SEMA6B: variants seen among roughly 807,000 people sequenced by gnomAD.
SEMA6B encodes the protein semaphorin-6B.
Under a neutral mutation model 78.6 loss-of-function variants are expected in SEMA6B, and 47 were observed. The ratio of observed to expected loss-of-function variants is 0.60; its 90% CI spans 0.47 to 0.76. SEMA6B has a LOEUF of 0.76. Among genes scored for constraint, SEMA6B ranks in the 30% least tolerant of loss-of-function variants. The pLI, the probability that SEMA6B is intolerant of heterozygous loss-of-function variation, is 0.00. For synonymous variants in SEMA6B, 632 were observed against 592.2 expected (o/e 1.07, Z -0.98); for missense variants, 1,213 against 1,269.9 (o/e 0.96, Z 0.68).
chr19:4,556,707 T>C (rs1315700828), intron 5 of SEMA6B, among the ~76,000 whole-genome samples: 2 of 151,400 alleles, frequency 1.3e-5, no homozygotes, highest in African/African-American at 4.9e-5. Flanking sequence ...TGGGGCGTGG[T>C]TATGGATAAT....
At chr19:4,556,135 T>C (rs771454217) in intron 5 of SEMA6B, 46 bp from the exon 6 acceptor site, 7 of 1,385,830 alleles carry the variant, frequency 5.1e-6, no homozygotes, top group Middle Eastern at 1.8e-4. Flanking sequence ...GTGGGCGTGG[T>C]CATGGTGATG....
rs1599777870 is a variant in SEMA6B at position 4,550,456 on chromosome 19, T to C, written c.1122-184A>G. ...TTGGCTCACTGCAACCTCCACCTCC[T>C]GGGTTCAAGCGATTCTCCTGCTTCA... On this transcript the variant is annotated intron_variant, in intron 11 of 16. Coordinates refer to ENST00000586582, the MANE Select transcript of SEMA6B (RefSeq NM_032108.4). This position sits in a 1 kb window ranked among gnomAD's most constrained non-coding sequence, Gnocchi z 6.6. 6.6e-6 allele frequency among the ~76,000 whole-genome samples: 1 copy of C among 152,052 alleles called. No homozygotes were observed. Among genetic ancestry groups the C allele is most frequent in the East Asian group, 1.9e-4 (1 of 5,176 alleles).
intron 10 of SEMA6B, among the ~76,000 whole-genome samples, chr19:4,551,760 C>T (rs1367121151): frequency 1.3e-5 from 2 of 151,536 alleles, no homozygotes; most frequent in African/African-American, 4.8e-5. Flanking sequence ...ACCCAGGAGG[C>T]AGAGGTTGTG....
chr19:4,555,017 G>A lies in SEMA6B; in HGVS notation c.641C>T (p.Pro214Leu), dbSNP rs1292625377. 6.2e-7 allele frequency: 1 copy of A among 1,614,052 alleles called. No individual in the cohort carries two copies. The highest frequency in any genetic ancestry group is 8.5e-7 in the Non-Finnish European group (1 of 1,180,004). Residue 214 changes from proline (P) to leucine (L), a missense_variant, in exon 8 of 17, where the codon CCC becomes CTC. Pro to Leu is a moderately conservative substitution (Grantham distance 98). Transcript: ENST00000586582. This position sits in a 1 kb window ranked among gnomAD's most constrained non-coding sequence, Gnocchi z 6.1. ...AVIYRSLGDR[P>L]TLRTVKHDSK... ...GTCATGTTTCACGGTGCGCAGGGTG[G>A]GCCTGTCCCCGAGGCTGCGGTAGAT...
rs1977455093 is a variant in SEMA6B at position 4,555,910 on chromosome 19, A to G, written c.471+78T>C. 4.4e-6 allele frequency: 5 copies of G among 1,148,978 alleles called. No homozygotes were observed. The highest frequency in any genetic ancestry group is 3.7e-5 in the South Asian group (3 of 81,306). The allele number at this position is 1,148,978 out of a possible 1,614,324, so 71.2% of individuals were successfully genotyped here. On this transcript the variant is annotated intron_variant, in intron 6 of 16. Transcript: ENST00000586582. This position sits in a 1 kb window ranked among gnomAD's most constrained non-coding sequence, Gnocchi z 6.1. Reference sequence around the variant, plus strand: ...CTGGAGGAGGTGACACGGCCTGGGGAAAAGCCATGGCCAGCGGAGGTCGGG... The same window carrying G: ...CTGGAGGAGGTGACACGGCCTGGGGGAAAGCCATGGCCAGCGGAGGTCGGG...
chr19:4,544,617 T>A lies in SEMA6B; in HGVS notation c.1739-88A>T. Reference sequence around the variant, plus strand: ...CTCCTCGGGGCCCTCTGTCCTCTTTTTTATTATTTTTATTTTTTTTTATTT... The same window carrying A: ...CTCCTCGGGGCCCTCTGTCCTCTTTATTATTATTTTTATTTTTTTTTATTT... On this transcript the variant is annotated intron_variant, in intron 16 of 16. Coordinates refer to ENST00000586582, the MANE Select transcript of SEMA6B (RefSeq NM_032108.4). The surrounding 1 kb of genome is among the most constrained non-coding windows in gnomAD (Gnocchi z 5.1). 1.5e-6 allele frequency: 1 copy of A among 664,380 alleles called. No homozygotes were observed. Among genetic ancestry groups the A allele is most frequent in the Non-Finnish European group, 2.2e-6 (1 of 462,826 alleles). The allele number at this position is 664,380 out of a possible 1,614,324, so 41.2% of individuals were successfully genotyped here. A position where few individuals can be genotyped will look rare whatever the true frequency, so the allele number is the denominator to read the frequency against.
At position 4,543,393 on chromosome 19, in the gene SEMA6B, A is replaced by G; in HGVS notation, c.*208T>C. 1 of 149,828 alleles carries G rather than the reference A, an allele frequency of 6.7e-6. No homozygotes were observed. Among genetic ancestry groups the G allele is most frequent in the Non-Finnish European group, 1.3e-5 (1 of 74,270 alleles). The allele number at this position is 149,828 out of a possible 1,614,324, so 9.3% of individuals were successfully genotyped here. A position where few individuals can be genotyped will look rare whatever the true frequency, so the allele number is the denominator to read the frequency against. On this transcript the variant is annotated 3_prime_UTR_variant, in exon 17 of 17. Transcript: ENST00000586582. ...AAGTCCTCCCGCCCACCCACCCCCA[A>G]ACCGTCTCAGCGTCCTGCGGCCCCG... is the stretch of plus-strand genomic sequence containing the variant.
In SEMA6B at chr19:4,550,976, C is replaced by T. The variant is rs747304004; in HGVS notation, c.990-46G>A. ...AGTTTGGTGAGCCCGGTGGGAGGCC[C>T]CATCTCGGACAAGTGCGTGCAGGAG... On this transcript the variant is annotated intron_variant, in intron 10 of 16. Coordinates refer to ENST00000586582, the MANE Select transcript of SEMA6B (RefSeq NM_032108.4). This position sits in a 1 kb window ranked among gnomAD's most constrained non-coding sequence, Gnocchi z 6.6. 9 of 1,608,406 alleles carry T rather than the reference C, an allele frequency of 5.6e-6. No individual in the cohort carries two copies. The Admixed American group carries it at 8.4e-5, about 15-fold the overall frequency.
In SEMA6B at chr19:4,548,001, A is replaced by G. The variant is rs200320836; in HGVS notation, c.1601+26T>C. 3.1e-3 allele frequency: 4,668 copies of G among 1,516,842 alleles called. 15 individuals carry two copies. Among genetic ancestry groups the G allele is most frequent in the Non-Finnish European group, 3.8e-3 (4,293 of 1,134,322 alleles). The allele number at this position is 1,516,842 out of a possible 1,614,324, so 94.0% of individuals were successfully genotyped here. A position where few individuals can be genotyped will look rare whatever the true frequency, so the allele number is the denominator to read the frequency against. On this transcript the variant is annotated intron_variant, in intron 14 of 16. Transcript: ENST00000586582. ...GCCCATCCTCCCTTGCTTCCCGCCCACGGCTGGCCTGGGGTGGACACTCAC... is the reference window on the plus strand; with the variant it reads ...GCCCATCCTCCCTTGCTTCCCGCCCGCGGCTGGCCTGGGGTGGACACTCAC...
rs1021549827 is a variant in SEMA6B, at chr19:4,558,596, C to G, written c.-32-107G>C. 1.9e-6 allele frequency: 1 copy of G among 537,512 alleles called. No homozygotes were observed. The highest frequency in any genetic ancestry group is 2.8e-6 in the Non-Finnish European group (1 of 354,226). 33.3% of individuals were successfully genotyped at this position (537,512 alleles called of 1,614,324 possible). A position where few individuals can be genotyped will look rare whatever the true frequency, so the allele number is the denominator to read the frequency against. Reference sequence around the variant, plus strand: ...CTTCAAATCCCAGAAAAATTCCTCACGGGGATAATAATTAATAAAAACAAT... The same window carrying G: ...CTTCAAATCCCAGAAAAATTCCTCAGGGGGATAATAATTAATAAAAACAAT... On this transcript the variant is annotated intron_variant, in intron 1 of 16. Coordinates refer to ENST00000586582, the MANE Select transcript of SEMA6B (RefSeq NM_032108.4). The surrounding 1 kb of genome is among the most constrained non-coding windows in gnomAD (Gnocchi z 5.1).
In SEMA6B at chr19:4,543,770, A is replaced by T; in HGVS notation, c.2498T>A (p.Leu833Gln). 1 of 1,223,652 alleles carries T rather than the reference A, an allele frequency of 8.2e-7. No homozygotes were observed. The highest frequency in any genetic ancestry group is 1.0e-6 in the Non-Finnish European group (1 of 983,024). 75.8% of individuals were successfully genotyped at this position (1,223,652 alleles called of 1,614,324 possible). Residue 833 changes from leucine to glutamine, a missense_variant, in exon 17 of 17, where the codon CTG becomes CAG. Transcript: ENST00000586582. ...PPPTGSLRRP[L>Q]GPHAPPAATL... ...GGCGGCCGGAGGGGCGTGGGGGCCCAGTGGCCTCCTCAGGCTGCCCGTCGG... is the reference window on the plus strand; with the variant it reads ...GGCGGCCGGAGGGGCGTGGGGGCCCTGTGGCCTCCTCAGGCTGCCCGTCGG...
chr19:4,555,843 C>T lies in SEMA6B; in HGVS notation c.471+145G>A, dbSNP rs1977453095. ...TTGGACAGCGCTGACTCCTCTTGAG[C>T]TCAGGGGGAGGAGGCAGGGAGAGTA... is the stretch of plus-strand genomic sequence containing the variant. On this transcript the variant is annotated intron_variant, in intron 6 of 16. Coordinates refer to ENST00000586582, the MANE Select transcript of SEMA6B (RefSeq NM_032108.4). This position sits in a 1 kb window ranked among gnomAD's most constrained non-coding sequence, Gnocchi z 6.1. 2.8e-6 allele frequency: 2 copies of T among 726,436 alleles called. No individual in the cohort carries two copies. Among genetic ancestry groups the T allele is most frequent in the South Asian group, 1.6e-5 (1 of 62,770 alleles). The allele number at this position is 726,436 out of a possible 1,614,324, so 45.0% of individuals were successfully genotyped here.
At chr19:4,549,823 G>T (rs1977273978) in intron 12 of SEMA6B, among the ~76,000 whole-genome samples, 1 of 151,690 alleles carries the variant, frequency 6.6e-6, no homozygotes, top group African/African-American at 2.4e-5. Flanking sequence ...ATGTTGGCCA[G>T]GGTGGTCTCG....
chr19:4,545,214 G>A (rs1977133426), intron 16 of SEMA6B, among the ~76,000 whole-genome samples: 2 of 151,522 alleles, frequency 1.3e-5, no homozygotes, highest in African/African-American at 2.4e-5. Context: ...GGTGGTGTGC[G>A]CCTGTAATCT....
rs367764727 is a variant in SEMA6B, at chr19:4,548,272, C to T, written c.1445G>A (p.Arg482Gln). The change falls in exon 13 of 17, where the codon CGG (arginine) becomes CAG (glutamine). Residue 482 changes from arginine (R) to glutamine (Q), a missense_variant. Transcript: ENST00000586582. ...CTTTGCCCAGACTTACCTGTCCGGC[C>T]GGTAGGTCTCAAACTCCTCCAGGAA... The part of the protein sequence containing the change: ...SVFLEEFETY[R>Q]PDRCGRPGGG... The T allele has an allele frequency of 2.5e-5, 41 of 1,608,328 alleles. No homozygotes were observed. The highest frequency in any genetic ancestry group is 1.2e-4 in the Admixed American group (7 of 59,894).
intron 9 of SEMA6B, among the ~76,000 whole-genome samples, chr19:4,553,448 GTGGATGGATGGATGGATGGA>G: frequency 8.6e-6 from 1 of 116,190 alleles, no homozygotes; most frequent in South Asian, 3.2e-4. Context: ...GGATGGGTGA[GTGGATGGATGGATGGATGGA>G]TGGATGGATG....
rs1404592873 is a variant in SEMA6B, at chr19:4,548,033, C to T, written c.1595G>A (p.Cys532Tyr). ...GCCTGGGGTGGACACTCACTTCATA[C>T]ACCCCGAGTACTGCTGGCAGCGAGC... ...PVARCQQYSG[C>Y]MKNCIGSQDP... The change falls in exon 14 of 17, where the codon TGT becomes TAT. Residue 532 changes from cysteine (C) to tyrosine (Y), a missense_variant. Transcript: ENST00000586582. 4 of 1,553,532 alleles carry T rather than the reference C, an allele frequency of 2.6e-6. No homozygotes were observed. The highest frequency in any genetic ancestry group is 1.3e-5 in the African/African-American group (1 of 74,076).
chr19:4,550,273 C>T lies in SEMA6B; in HGVS notation c.1122-1G>A, dbSNP rs1568254963. 6.2e-7 allele frequency: 1 copy of T among 1,613,608 alleles called. No homozygotes were observed. The highest frequency in any genetic ancestry group is 8.5e-7 in the Non-Finnish European group (1 of 1,179,972). ...CCCGGGGGCTGCGCAGCACCCGGGCCTGGGGGTGACAAGGGTGTGGTCAGG... is the reference window on the plus strand; with the variant it reads ...CCCGGGGGCTGCGCAGCACCCGGGCTTGGGGGTGACAAGGGTGTGGTCAGG... On this transcript the variant is annotated splice_acceptor_variant, in intron 11 of 16. Transcript: ENST00000586582. LOFTEE classifies it high-confidence loss of function. The surrounding 1 kb of genome is among the most constrained non-coding windows in gnomAD (Gnocchi z 6.6).
chr19:4,557,905 C>T (rs1240078534), intron 3 of SEMA6B, 121 bp downstream of exon 3: 6 of 869,994 alleles, frequency 6.9e-6, no homozygotes, highest in Non-Finnish European at 7.7e-6. Flanking sequence ...CCTAAGTCCT[C>T]CCAATGGCCC....
Sources: allele counts gnomAD v4.1 joint callset (sites outside exome capture counted in the v4.1 genomes callset), GRCh38; gene constraint gnomAD v4.1.1; non-coding constraint Gnocchi (gnomAD v3.1); transcripts MANE v1.5; gene names NCBI Gene and HGNC (gene_info 2026-07-23, HGNC 2026-07-21).